Variants in PIK3CA observed in about 807,000 individuals in gnomAD.
PIK3CA encodes the protein phosphatidylinositol 4,5-bisphosphate 3-kinase catalytic subunit alpha isoform.
PIK3CA carries 27 observed loss-of-function variants against 138.2 expected under a neutral mutation model. The ratio of observed to expected loss-of-function variants is 0.20; its 90% CI spans 0.14 to 0.27. The LOEUF (loss-of-function observed/expected upper bound fraction) is 0.27, where lower values mean the gene tolerates loss of function less well. Among genes scored for constraint, PIK3CA ranks in the 10% least tolerant of loss-of-function variants. The probability of loss-of-function intolerance (pLI) is 1.00; values close to 1 mark genes in which losing one functional copy is unlikely to be tolerated. For synonymous variants in PIK3CA, 358 were observed against 413.2 expected (o/e 0.87, Z 1.62); for missense variants, 544 against 1,277.4 (o/e 0.43, Z 8.75).
At chr3:179,198,420 G>A (rs949032201) in intron 1 of PIK3CA, among the ~76,000 whole-genome samples, 1 of 152,162 alleles carries the variant, frequency 6.6e-6, no homozygotes, top group Non-Finnish European at 1.5e-5. Flanking sequence ...TGGGAATTTT[G>A]GGTTGAATTG....
At chr3:179,211,629 T>C (rs1354007014) in intron 9 of PIK3CA, among the ~76,000 whole-genome samples, 1 of 152,158 alleles carries the variant, frequency 6.6e-6, no homozygotes, top group African/African-American at 2.4e-5. Context: ...GTCACGCCAT[T>C]GCACTCCAGC....
intron 1 of PIK3CA, among the ~76,000 whole-genome samples, chr3:179,192,619 T>C (rs1724162853): frequency 1.3e-5 from 2 of 152,254 alleles, no homozygotes; most frequent in Non-Finnish European, 1.5e-5. Context: ...TTCTGCAAGA[T>C]GCCAGATAGT....
intron 6 of PIK3CA, among the ~76,000 whole-genome samples, chr3:179,204,804 G>A (rs1218823856): frequency 6.6e-6 from 1 of 151,206 alleles, no homozygotes. Flanking sequence ...GGTGGATCAC[G>A]AAGTCGGAGT....
chr3:179,194,832 C>A (rs909348360), intron 1 of PIK3CA, among the ~76,000 whole-genome samples: 1 of 152,104 alleles, frequency 6.6e-6, no homozygotes, highest in Non-Finnish European at 1.5e-5. Flanking sequence ...CTCTCTGAAG[C>A]CTTCCCTAAT....
At chr3:179,193,297 C>G (rs1348249517) in intron 1 of PIK3CA, among the ~76,000 whole-genome samples, 1 of 152,250 alleles carries the variant, frequency 6.6e-6, no homozygotes, top group Non-Finnish European at 1.5e-5. Flanking sequence ...TAAGGTCATA[C>G]AGCAGAGCCT....
At chr3:179,218,077 A>G in intron 9 of PIK3CA, 133 bp from the exon 10 acceptor site, 1 of 798,644 alleles carries the variant, frequency 1.3e-6, no homozygotes, top group Non-Finnish European at 1.8e-6. Flanking sequence ...ATGAAAATAA[A>G]TTATTTTACA....
At chr3:179,166,392 G>A (rs1407542969) in intron 1 of PIK3CA, among the ~76,000 whole-genome samples, 1 of 152,050 alleles carries the variant, frequency 6.6e-6, no homozygotes, top group Non-Finnish European at 1.5e-5. Flanking sequence ...TACCCATAAA[G>A]CTCACATATT....
chr3:179,200,564 G>A (rs1339385550), intron 3 of PIK3CA, among the ~76,000 whole-genome samples: 9 of 151,952 alleles, frequency 5.9e-5, no homozygotes, highest in South Asian at 2.1e-4. Context: ...ATTACTATTC[G>A]TATTTTTCAA....
intron 1 of PIK3CA, among the ~76,000 whole-genome samples, chr3:179,174,076 A>G (rs1007495632): frequency 1.3e-5 from 2 of 152,188 alleles, no homozygotes; most frequent in African/African-American, 4.8e-5. Context: ...ACAACTATAC[A>G]TTCACCAAGA....
rs1060503810 is a variant in PIK3CA, at chr3:179,210,188, A to G, written c.1254A>G (p.Glu418=). Residue 418 remains glutamate, a splice_region_variant and synonymous_variant, in exon 8 of 21, where the codon GAA becomes GAG. Coordinates refer to ENST00000263967, the MANE Select transcript of PIK3CA (RefSeq NM_006218.4). ...AATATTTTTCTTTGTTTTTTAAGGAACACTGTCCATTGGCATGGGGAAATA... is the reference window on the plus strand; with the variant it reads ...AATATTTTTCTTTGTTTTTTAAGGAGCACTGTCCATTGGCATGGGGAAATA... ...SVKGRKGAKE[E]HCPLAWGNIN... 2.5e-6 allele frequency: 4 copies of G among 1,574,570 alleles called. No individual in the cohort carries two copies. The highest frequency in any genetic ancestry group is 3.4e-6 in the Non-Finnish European group (4 of 1,168,046).
rs1360874685 is a variant in PIK3CA, at chr3:179,234,688, T to C, written c.*324T>C. On this transcript the variant is annotated 3_prime_UTR_variant, in exon 21 of 21. Coordinates refer to ENST00000263967, the MANE Select transcript of PIK3CA (RefSeq NM_006218.4). The surrounding 1 kb of genome is among the most constrained non-coding windows in gnomAD (Gnocchi z 5.1). The stretch of plus-strand genomic sequence containing the variant: ...AAACAAAACAAAAATCCCCAAAATA[T>C]ATAGAAATGATGGAGAAGGAAAAAG... The C allele has an allele frequency of 1.2e-5, 3 of 253,986 alleles. No individual in the cohort carries two copies. The highest frequency in any genetic ancestry group is 1.7e-4 in the South Asian group (1 of 5,790). 15.7% of individuals were successfully genotyped at this position (253,986 alleles called of 1,614,324 possible).
chr3:179,148,788 T>C (rs1351324025), intron 1 of PIK3CA, among the ~76,000 whole-genome samples, 185 bp downstream of exon 1: 2 of 152,092 alleles, frequency 1.3e-5, no homozygotes, highest in African/African-American at 4.8e-5. Context: ...CTCTGGCCTC[T>C]CCTAGCTGCA....
intron 6 of PIK3CA, among the ~76,000 whole-genome samples, chr3:179,208,798 T>C (rs1724633634): frequency 6.6e-6 from 1 of 151,772 alleles, no homozygotes; most frequent in African/African-American, 2.4e-5. Flanking sequence ...TTTTATAAAA[T>C]AATTATTCTT....
chr3:179,160,828 T>C (rs1430124754), intron 1 of PIK3CA, among the ~76,000 whole-genome samples: 1 of 152,246 alleles, frequency 6.6e-6, no homozygotes, highest in East Asian at 1.9e-4. Flanking sequence ...TGTACAATCA[T>C]AGACTCTGTT....
At chr3:179,169,689 AT>A (rs1204981058) in intron 1 of PIK3CA, among the ~76,000 whole-genome samples, 1 of 152,120 alleles carries the variant, frequency 6.6e-6, no homozygotes, top group African/African-American at 2.4e-5. Context: ...ATACTATTCT[AT>A]TTTTATAACT....
chr3:179,202,752 T>C (rs79942997), intron 4 of PIK3CA, among the ~76,000 whole-genome samples: 2,444 of 152,270 alleles, frequency 0.016, 94 homozygotes, highest in South Asian at 0.13. Flanking sequence ...CTATTTGTGG[T>C]TTTTTGTTTT....
At chr3:179,228,412 A>G (rs1448543564) in intron 17 of PIK3CA, among the ~76,000 whole-genome samples, 1 of 152,084 alleles carries the variant, frequency 6.6e-6, no homozygotes, top group African/African-American at 2.4e-5. Context: ...ACTGAGTATG[A>G]AAAGTTTATT....
At position 179,210,498 on chromosome 3, in the gene PIK3CA, T is replaced by C; in HGVS notation, c.1472T>C (p.Val491Ala). 1 of 1,614,044 alleles carries C rather than the reference T, an allele frequency of 6.2e-7. No individual in the cohort carries two copies. The highest frequency in any genetic ancestry group is 8.5e-7 in the Non-Finnish European group (1 of 1,179,922). Residue 491 changes from valine to alanine, a missense_variant, in exon 9 of 21, where the codon GTG becomes GCG. Val to Ala is a moderately conservative substitution (Grantham distance 64). Coordinates refer to ENST00000263967, the MANE Select transcript of PIK3CA (RefSeq NM_006218.4). ...SSVVKFPDMS[V>A]IEEHANWSVS... ...GTGGTAAAGTTCCCAGATATGTCAG[T>C]GATTGAAGAGCATGCCAATTGGTCT...
chr3:179,208,672 A>G (rs1724630194), intron 6 of PIK3CA, among the ~76,000 whole-genome samples: 1 of 152,170 alleles, frequency 6.6e-6, no homozygotes, highest in Non-Finnish European at 1.5e-5. Flanking sequence ...ATAATTTCAC[A>G]TGTAGCACCC....
Sources: allele counts gnomAD v4.1 joint callset (sites outside exome capture counted in the v4.1 genomes callset), GRCh38; gene constraint gnomAD v4.1.1; non-coding constraint Gnocchi (gnomAD v3.1); transcripts MANE v1.5; gene names NCBI Gene and HGNC (gene_info 2026-07-23, HGNC 2026-07-21).